The following AUTS2 variants were observed in gnomAD, a reference collection of about 807,000 sequenced individuals.
The protein encoded by AUTS2 is activator of transcription and developmental regulator AUTS2, also known as autism susceptibility gene 2 protein.
Under a neutral mutation model 112.4 loss-of-function variants are expected in AUTS2, and 17 were observed. The ratio of observed to expected loss-of-function variants is 0.15; its 90% CI spans 0.10 to 0.23. The LOEUF is 0.23. Ranked by LOEUF, AUTS2 falls within the 10% of genes least tolerant of loss-of-function variation. AUTS2 has a pLI of 1.00. For missense variants in AUTS2, 1,510 were observed against 1,701.6 expected (o/e 0.89, Z 1.98); for synonymous variants, 751 against 702.7 (o/e 1.07, Z -1.09).
chr7:70,441,212 CT>C (rs1286723152), intron 5 of AUTS2, among the ~76,000 whole-genome samples: 1 of 152,192 alleles, frequency 6.6e-6, no homozygotes, highest in African/African-American at 2.4e-5. Context: ...AGTTTTTTCT[CT>C]CTGTGCTGTT....
At chr7:70,370,188 C>G (rs1055654352) in intron 4 of AUTS2, among the ~76,000 whole-genome samples, 1 of 152,164 alleles carries the variant, frequency 6.6e-6, no homozygotes, top group South Asian at 2.1e-4. Context: ...TACCACACAA[C>G]TCACCCACTT....
At chr7:69,727,668 G>A (rs1001980208) in intron 1 of AUTS2, among the ~76,000 whole-genome samples, 25 of 152,150 alleles carry the variant, frequency 1.6e-4, no homozygotes, top group African/African-American at 5.3e-4. Context: ...TGGACTCTGT[G>A]TTCTGCTTCA....
intron 6 of AUTS2, among the ~76,000 whole-genome samples, chr7:70,712,701 T>G (rs995240819): frequency 6.6e-6 from 1 of 152,122 alleles, no homozygotes; most frequent in African/African-American, 2.4e-5. Context: ...GCAGTGAGGT[T>G]TTGTAAATGC....
intron 1 of AUTS2, among the ~76,000 whole-genome samples, chr7:69,652,095 T>C (rs1015395226): frequency 2.6e-5 from 4 of 152,184 alleles, no homozygotes; most frequent in Non-Finnish European, 5.9e-5. Flanking sequence ...ATGGCCTTCA[T>C]AGCGTCCTTA....
chr7:69,937,513 T>C (rs1334172678), intron 2 of AUTS2, among the ~76,000 whole-genome samples: 1 of 152,078 alleles, frequency 6.6e-6, no homozygotes, highest in African/African-American at 2.4e-5. Context: ...AACTAGATCA[T>C]AGTTTACCTA....
intron 2 of AUTS2, among the ~76,000 whole-genome samples, chr7:70,063,483 C>T (rs1343955711): frequency 6.6e-6 from 1 of 152,028 alleles, no homozygotes; most frequent in Non-Finnish European, 1.5e-5. Context: ...TGATCATGGG[C>T]GAGTTATTTA....
intron 4 of AUTS2, among the ~76,000 whole-genome samples, chr7:70,390,959 C>T (rs575029318): frequency 2.0e-5 from 3 of 152,224 alleles, no homozygotes; most frequent in East Asian, 1.9e-4. Context: ...TGAGAATGAC[C>T]GAATCTGTGC....
intron 5 of AUTS2, among the ~76,000 whole-genome samples, chr7:70,656,791 A>T (rs542292562): frequency 3.5e-4 from 53 of 152,282 alleles, no homozygotes; most frequent in African/African-American, 1.2e-3. Flanking sequence ...TAACCCGGCC[A>T]TGTTACCTGT....
At chr7:69,685,410 C>T (rs1465954751) in intron 1 of AUTS2, among the ~76,000 whole-genome samples, 1 of 152,164 alleles carries the variant, frequency 6.6e-6, no homozygotes, top group African/African-American at 2.4e-5. Context: ...CTATTCCTTC[C>T]AGTTTGCCAC....
intron 4 of AUTS2, among the ~76,000 whole-genome samples, chr7:70,245,144 G>GTGTATATATATATATATATATATA (rs1233136341): frequency 6.4e-5 from 7 of 108,962 alleles, no homozygotes; most frequent in African/African-American, 2.5e-4. Context: ...GTGTGTGTGT[G>GTGTATATATATATATATATATATA]TATATATATA....
intron 6 of AUTS2, among the ~76,000 whole-genome samples, chr7:70,750,155 T>G (rs1788711049): frequency 1.3e-5 from 2 of 152,130 alleles, no homozygotes; most frequent in South Asian, 4.1e-4. Flanking sequence ...TTCTTTCTAC[T>G]AGGGTAACTT....
intron 5 of AUTS2, among the ~76,000 whole-genome samples, chr7:70,452,275 A>G (rs904612982): frequency 3.3e-5 from 5 of 152,070 alleles, no homozygotes; most frequent in African/African-American, 1.2e-4. Flanking sequence ...CCTGAGTAAC[A>G]TGGTGAAACC....
intron 5 of AUTS2, among the ~76,000 whole-genome samples, chr7:70,496,036 G>C: frequency 2.1e-5 from 2 of 95,692 alleles, no homozygotes; most frequent in African/African-American, 4.1e-5. Flanking sequence ...CCACACACAT[G>C]CACACGTCAC....
chr7:70,587,705 A>T (rs1392050486), intron 5 of AUTS2, among the ~76,000 whole-genome samples: 4 of 152,232 alleles, frequency 2.6e-5, no homozygotes, highest in Admixed American at 6.5e-5. Flanking sequence ...ATTAGGATGA[A>T]CCATGTGAAA....
intron 5 of AUTS2, among the ~76,000 whole-genome samples, chr7:70,622,821 C>G (rs1804749895): frequency 1.3e-5 from 2 of 152,172 alleles, no homozygotes; most frequent in South Asian, 4.1e-4. Flanking sequence ...AAGGGCCAAA[C>G]TTAGCCAAAA....
intron 5 of AUTS2, among the ~76,000 whole-genome samples, chr7:70,621,809 G>A (rs1343870983): frequency 6.7e-6 from 1 of 149,468 alleles, no homozygotes; most frequent in Non-Finnish European, 1.5e-5. Context: ...CTACAGCTAG[G>A]CAGGCTTACG....
chr7:70,193,465 A>G (rs1036884151), intron 4 of AUTS2, among the ~76,000 whole-genome samples: 23 of 152,234 alleles, frequency 1.5e-4, no homozygotes, highest in Non-Finnish European at 2.8e-4. Context: ...CCTTCTACAT[A>G]GTATCCTCAT....
At chr7:69,686,090 G>T (rs1251061948) in intron 1 of AUTS2, among the ~76,000 whole-genome samples, 2 of 152,182 alleles carry the variant, frequency 1.3e-5, no homozygotes, top group Non-Finnish European at 2.9e-5. Flanking sequence ...AACAAAGATT[G>T]CTGGGTGTAG....
intron 5 of AUTS2, among the ~76,000 whole-genome samples, chr7:70,634,756 C>G (rs1053628062): frequency 6.6e-6 from 1 of 152,154 alleles, no homozygotes; most frequent in South Asian, 2.1e-4. Flanking sequence ...TTAGCCTCAG[C>G]GTTCCTCCTC....
Sources: allele counts gnomAD v4.1 joint callset (sites outside exome capture counted in the v4.1 genomes callset), GRCh38; gene constraint gnomAD v4.1.1; transcripts MANE v1.5; gene names NCBI Gene and HGNC (gene_info 2026-07-23, HGNC 2026-07-21).